Variants in ERG observed in about 807,000 individuals in gnomAD.
ERG encodes ETS transcription factor ERG, also known as transcriptional regulator ERG.
Under a neutral mutation model 55.3 loss-of-function variants are expected in ERG, and 9 were observed. The observed-to-expected ratio is 0.16, with a 90% CI of 0.10 to 0.28. ERG has a LOEUF of 0.28. Among genes scored for constraint, ERG ranks in the 10% least tolerant of loss-of-function variants. ERG has a pLI of 1.00. For missense variants in ERG, 434 were observed against 631.6 expected (o/e 0.69, Z 3.35); for synonymous variants, 223 against 237.3 (o/e 0.94, Z 0.55).
intron 1 of ERG, among the ~76,000 whole-genome samples, chr21:38,642,163 G>C (rs1048867334): frequency 6.6e-6 from 1 of 152,188 alleles, no homozygotes; most frequent in Non-Finnish European, 1.5e-5. Flanking sequence ...TAATGTGCTG[G>C]TAAGTGAACA....
At chr21:38,555,428 A>G (rs943795359) in intron 2 of ERG, among the ~76,000 whole-genome samples, 2 of 152,052 alleles carry the variant, frequency 1.3e-5, no homozygotes, top group African/African-American at 4.8e-5. Flanking sequence ...AAAATTTTCT[A>G]TTTTCAATAT....
At chr21:38,405,738 C>A (rs1033162817) in intron 3 of ERG, among the ~76,000 whole-genome samples, 2 of 152,102 alleles carry the variant, frequency 1.3e-5, no homozygotes, top group Admixed American at 6.6e-5. Flanking sequence ...CCTGGGGACA[C>A]GCTGGCCTTG....
chr21:38,541,908 A>G (rs1298157981), intron 2 of ERG, among the ~76,000 whole-genome samples: 1 of 103,904 alleles, frequency 9.6e-6, no homozygotes, highest in African/African-American at 3.5e-5. Flanking sequence ...ATATCCTGGA[A>G]CGTAAAATTA....
chr21:38,638,224 C>T (rs984026568), intron 1 of ERG, among the ~76,000 whole-genome samples: 18 of 152,196 alleles, frequency 1.2e-4, no homozygotes, highest in Non-Finnish European at 2.4e-4. Context: ...CAGGTTCCTG[C>T]TCTGTGAGTT....
At chr21:38,578,519 T>C (rs1459503218) in intron 1 of ERG, among the ~76,000 whole-genome samples, 1 of 152,140 alleles carries the variant, frequency 6.6e-6, no homozygotes, top group African/African-American at 2.4e-5. Flanking sequence ...GAAAGACAAG[T>C]ATGACAGATC....
intron 1 of ERG, among the ~76,000 whole-genome samples, chr21:38,478,700 G>C (rs770727299): frequency 1.3e-5 from 2 of 152,152 alleles, no homozygotes; most frequent in African/African-American, 2.4e-5. Flanking sequence ...AGTAACACCT[G>C]AATATTTAGG....
intron 2 of ERG, among the ~76,000 whole-genome samples, chr21:38,570,322 G>A (rs1167192743): frequency 2.6e-5 from 4 of 152,226 alleles, no homozygotes; most frequent in Non-Finnish European, 5.9e-5. Context: ...GATCTATATG[G>A]TTAGGTATGT....
chr21:38,504,040 G>C (rs1439306620), intron 2 of ERG, among the ~76,000 whole-genome samples: 1 of 152,042 alleles, frequency 6.6e-6, no homozygotes, highest in Non-Finnish European at 1.5e-5. Flanking sequence ...GTGTGTGTGT[G>C]GGGGGGTAGG....
intron 1 of ERG, among the ~76,000 whole-genome samples, chr21:38,462,585 C>A (rs745929346): frequency 2.6e-5 from 4 of 152,162 alleles, no homozygotes; most frequent in Non-Finnish European, 5.9e-5. Flanking sequence ...TAGCCATTTC[C>A]TCAAGTTGAC....
At chr21:38,375,386 C>A (rs556289770), downstream of ERG, among the ~76,000 whole-genome samples, 1 of 152,220 alleles carries the variant, frequency 6.6e-6, no homozygotes, top group South Asian at 2.1e-4. Flanking sequence ...GTACATTTTC[C>A]CTTTCTAGAT....
intron 1 of ERG, among the ~76,000 whole-genome samples, chr21:38,466,614 G>T (rs1238655461): frequency 1.3e-5 from 2 of 152,068 alleles, no homozygotes; most frequent in Admixed American, 6.6e-5. Context: ...AAGAATGACA[G>T]GTCTGGGAAA....
At chr21:38,563,423 G>C (rs2059904493) in intron 2 of ERG, among the ~76,000 whole-genome samples, 1 of 152,180 alleles carries the variant, frequency 6.6e-6, no homozygotes, top group Admixed American at 6.5e-5. Flanking sequence ...AACACTTGTG[G>C]TATATGCTCA....
Position 38,400,151 on chromosome 21 carries a change from T to C in ERG, c.745+423A>G, listed in dbSNP as rs1341443801. The C allele has an allele frequency of 1.0e-5, 4 of 401,414 alleles. 1 individual carries two copies. Among genetic ancestry groups the C allele is most frequent in the South Asian group, 4.8e-5 (2 of 41,388 alleles). The allele number at this position is 401,414 out of a possible 1,614,324, so 24.9% of individuals were successfully genotyped here. A position where few individuals can be genotyped will look rare whatever the true frequency, so the allele number is the denominator to read the frequency against. On this transcript the variant is annotated intron_variant, in intron 6 of 9. Coordinates refer to ENST00000288319, the MANE Select transcript of ERG (RefSeq NM_182918.4). ...GGCAGTAAGATTCAGATGTAAATAC[T>C]ACTGGTTGCATGCTTCTGCTCTGCA...
At chr21:38,544,722 G>C (rs916433450) in intron 2 of ERG, among the ~76,000 whole-genome samples, 1 of 151,880 alleles carries the variant, frequency 6.6e-6, no homozygotes, top group Non-Finnish European at 1.5e-5. Flanking sequence ...AACTGATGAG[G>C]GAAAAAAAAT....
Position 38,400,650 on chromosome 21 carries a change from A to T in ERG, c.674-5T>A. The T allele has an allele frequency of 6.3e-7, 1 of 1,598,778 alleles. No homozygotes were observed. Among genetic ancestry groups the T allele is most frequent in the Non-Finnish European group, 8.6e-7 (1 of 1,168,160 alleles). On this transcript the variant is annotated splice_region_variant and splice_polypyrimidine_tract_variant and intron_variant, in intron 5 of 9. Coordinates refer to ENST00000288319, the MANE Select transcript of ERG (RefSeq NM_182918.4). ...GGAAAATAAAAGCTGCACCCCCTGC[A>T]GACAAAAGGAAAGACAAACATGTGA...
chr21:38,579,385 G>A (rs899123644), intron 1 of ERG, among the ~76,000 whole-genome samples: 39 of 152,146 alleles, frequency 2.6e-4, no homozygotes, highest in Non-Finnish European at 4.4e-5. Context: ...GATCCTTGAG[G>A]GATCGAGATG....
intron 1 of ERG, among the ~76,000 whole-genome samples, chr21:38,463,279 G>A (rs1275483731): frequency 6.6e-6 from 1 of 152,156 alleles, no homozygotes; most frequent in East Asian, 1.9e-4. Flanking sequence ...CTAAGATCAA[G>A]TGGCTGGGCA....
At chr21:38,391,069 T>A (rs766526328) in intron 8 of ERG, 27 bp from the exon 9 acceptor site, 9 of 1,591,658 alleles carry the variant, frequency 5.7e-6, no homozygotes, top group Non-Finnish European at 7.8e-6. Flanking sequence ...CAAAGTCAAA[T>A]CCTAGACATA....
chr21:38,563,555 A>G (rs1042132422), intron 2 of ERG, among the ~76,000 whole-genome samples: 3 of 152,248 alleles, frequency 2.0e-5, no homozygotes, highest in African/African-American at 7.2e-5. Context: ...GGTTACAATC[A>G]TACCTAGAAA....
Sources: gnomAD v4.1 joint callset for allele counts (sites outside exome capture counted in the v4.1 genomes callset) on GRCh38, gnomAD v4.1.1 for gene constraint, MANE v1.5 for transcripts, NCBI Gene and HGNC (gene_info 2026-07-23, HGNC 2026-07-21) for gene names.